The following CFAP95 variants were observed in gnomAD, a reference collection of about 807,000 sequenced individuals.
CFAP95 encodes the protein cilia- and flagella-associated protein 95.
chr9:69,854,900 C>A, the CFAP95 span, among the ~76,000 whole-genome samples: 36 of 152,198 alleles, frequency 2.4e-4, no homozygotes, highest in Non-Finnish European at 4.6e-4. Context: ...TATCAGGTGA[C>A]CCTCACTAGA....
the CFAP95 span, among the ~76,000 whole-genome samples, chr9:69,842,573 A>T: frequency 5.0e-3 from 760 of 152,260 alleles, 4 homozygotes; most frequent in African/African-American, 0.017. Flanking sequence ...TCTGCTTTTT[A>T]AAAAAATTTT....
the CFAP95 span, among the ~76,000 whole-genome samples, chr9:69,840,473 C>G: frequency 3.3e-5 from 5 of 152,072 alleles, no homozygotes; most frequent in African/African-American, 1.2e-4. Flanking sequence ...TTGAGACTCT[C>G]AAGGTGTTGA....
the CFAP95 span, among the ~76,000 whole-genome samples, chr9:69,896,081 A>T: frequency 9.3e-4 from 141 of 152,346 alleles, no homozygotes; most frequent in African/African-American, 3.1e-3. Context: ...GTGAACATAT[A>T]AAACTTTTGT....
chr9:69,880,125 C>T, the CFAP95 span, among the ~76,000 whole-genome samples: 5 of 152,278 alleles, frequency 3.3e-5, no homozygotes, highest in Admixed American at 2.6e-4. Context: ...AAGCATTTAT[C>T]CTTTGTGTTA....
the CFAP95 span, among the ~76,000 whole-genome samples, chr9:69,890,915 T>C: frequency 6.6e-6 from 1 of 152,180 alleles, no homozygotes; most frequent in Admixed American, 6.5e-5. Flanking sequence ...ATGGGGTCAT[T>C]TCCAAGCAGG....
At chr9:69,862,440 A>T in the CFAP95 span, among the ~76,000 whole-genome samples, 1 of 152,200 alleles carries the variant, frequency 6.6e-6, no homozygotes, top group African/African-American at 2.4e-5. Flanking sequence ...TTCAGTTAAT[A>T]TACACTAATT....
the CFAP95 span, chr9:69,857,937 G>A: frequency 6.2e-7 from 1 of 1,614,024 alleles, no homozygotes; most frequent in Non-Finnish European, 8.5e-7. Flanking sequence ...CACAGGTTTT[G>A]GAGCTGTCTT....
the CFAP95 span, among the ~76,000 whole-genome samples, chr9:69,853,540 T>A: frequency 6.6e-6 from 1 of 152,210 alleles, no homozygotes; most frequent in Non-Finnish European, 1.5e-5. Context: ...CATACCAAAT[T>A]GCCAATCTCC....
chr9:69,876,096 T>C, the CFAP95 span, among the ~76,000 whole-genome samples: 1 of 152,236 alleles, frequency 6.6e-6, no homozygotes, highest in African/African-American at 2.4e-5. Context: ...TTGCAAGATA[T>C]TGCCACTAGT....
chr9:69,868,346 C>T, the CFAP95 span, among the ~76,000 whole-genome samples: 35,500 of 95,502 alleles, frequency 0.37, 4,765 homozygotes, highest in Non-Finnish European at 0.44. Context: ...GAGACTACAT[C>T]AAACAAAAAA....
the CFAP95 span, among the ~76,000 whole-genome samples, chr9:69,896,996 G>A: frequency 4.6e-5 from 7 of 152,180 alleles, no homozygotes; most frequent in African/African-American, 1.7e-4. Flanking sequence ...GGTCCCCAGG[G>A]CAGATAAGGT....
At chr9:69,861,697 G>A in the CFAP95 span, among the ~76,000 whole-genome samples, 1 of 119,730 alleles carries the variant, frequency 8.4e-6, no homozygotes, top group Non-Finnish European at 1.6e-5. Flanking sequence ...TGTTTCTCTT[G>A]TCCTTTCTCC....
chr9:69,891,856 T>C, the CFAP95 span, among the ~76,000 whole-genome samples: 5 of 152,296 alleles, frequency 3.3e-5, no homozygotes, highest in East Asian at 1.9e-4. Context: ...AACATACCAA[T>C]GAGTGTTGTT....
At chr9:69,901,359 G>A in the CFAP95 span, among the ~76,000 whole-genome samples, 1 of 152,018 alleles carries the variant, frequency 6.6e-6, no homozygotes, top group African/African-American at 2.4e-5. Context: ...GGATGGTCTC[G>A]ATCTCCTGAC....
chr9:69,832,893 G>C, the CFAP95 span, among the ~76,000 whole-genome samples: 1 of 151,752 alleles, frequency 6.6e-6, no homozygotes, highest in Admixed American at 6.6e-5. Context: ...GTTTTTCTTA[G>C]AAAGTCATGT....
At chr9:69,830,603 A>G in the CFAP95 span, among the ~76,000 whole-genome samples, 1 of 152,352 alleles carries the variant, frequency 6.6e-6, no homozygotes, top group East Asian at 1.9e-4. Context: ...TAGATGAAAC[A>G]TATCTTTGCA....
chr9:69,851,718 G>A, the CFAP95 span, among the ~76,000 whole-genome samples: 8 of 151,962 alleles, frequency 5.3e-5, no homozygotes, highest in Non-Finnish European at 8.8e-5. Context: ...GGAGCATCCC[G>A]TAAGCCAGGT....
the CFAP95 span, chr9:69,884,745 T>C: frequency 6.6e-6 from 1 of 152,126 alleles, no homozygotes; most frequent in Non-Finnish European, 1.5e-5. Context: ...ATTTTTATTA[T>C]AATTGCTAAG....
the CFAP95 span, among the ~76,000 whole-genome samples, chr9:69,827,716 G>C: frequency 6.6e-6 from 1 of 152,274 alleles, no homozygotes; most frequent in Admixed American, 6.5e-5. Context: ...GGTTTGTTGA[G>C]GACTTGGTGT....
Sources: allele counts gnomAD v4.1 joint callset (sites outside exome capture counted in the v4.1 genomes callset), GRCh38; gene constraint gnomAD v4.1.1; transcripts MANE v1.5; gene names NCBI Gene and HGNC (gene_info 2026-07-23, HGNC 2026-07-21).